JAK1: variants seen among roughly 807,000 people sequenced by gnomAD.
JAK1 encodes the protein Janus kinase 1, also known as tyrosine-protein kinase JAK1.
A neutral mutation model predicts 136.6 loss-of-function variants in JAK1; 16 were observed. The ratio of observed to expected loss-of-function variants is 0.12; its 90% CI spans 0.08 to 0.18. JAK1 has a LOEUF of 0.18. JAK1 is among the 10% of genes least tolerant of loss of function. The pLI, the probability that JAK1 is intolerant of heterozygous loss-of-function variation, is 1.00. For missense variants in JAK1, 859 were observed against 1,450.1 expected (o/e 0.59, Z 6.62); for synonymous variants, 492 against 519.5 (o/e 0.95, Z 0.72).
intron 2 of JAK1, among the ~76,000 whole-genome samples, chr1:65,014,092 G>C (rs1037417879): frequency 1.3e-5 from 2 of 151,716 alleles, no homozygotes; most frequent in African/African-American, 2.4e-5. Context: ...AAGAAGGTTG[G>C]GTCACAAGAT....
chr1:65,017,797 A>C (rs1159372256), intron 2 of JAK1, among the ~76,000 whole-genome samples: 1 of 152,066 alleles, frequency 6.6e-6, no homozygotes, highest in African/African-American at 2.4e-5. Context: ...TAGTGGAAAA[A>C]ATTTTTAATT....
chr1:64,857,561 G>T, intron 10 of JAK1, 95 bp downstream of exon 10: 1 of 1,498,348 alleles, frequency 6.7e-7, no homozygotes, highest in Non-Finnish European at 9.1e-7. Context: ...GTTCCACCCT[G>T]CCAAGGGTGG....
chr1:64,997,474 G>A (rs1008369274), intron 2 of JAK1, among the ~76,000 whole-genome samples: 28 of 152,140 alleles, frequency 1.8e-4, no homozygotes, highest in African/African-American at 6.7e-4. Flanking sequence ...TTTAAGAAGG[G>A]GTGACAAATT....
At chr1:64,977,898 AT>A (rs1170782786) in intron 2 of JAK1, among the ~76,000 whole-genome samples, 4,012 of 152,282 alleles carry the variant, frequency 0.026, 178 homozygotes, top group African/African-American at 0.091. Context: ...CTTTAATTTC[AT>A]CGTCATCGGT....
chr1:65,021,817 A>C lies in JAK1; in HGVS notation c.-78+22663T>G, dbSNP rs147677024. 1.1e-4 allele frequency among the ~76,000 whole-genome samples: 17 copies of C among 152,252 alleles called. No homozygotes were observed. The East Asian group carries it at 3.3e-3, about 29-fold the overall frequency. On this transcript the variant is annotated intron_variant, in intron 2 of 25. Transcript: ENST00000671954. ...CTATTATACTTCCCATTTTTTTAGA[A>C]GAGGACACTAAAACCAAGAGAATTT...
chr1:65,014,502 C>T (rs187856316), intron 2 of JAK1, among the ~76,000 whole-genome samples: 1 of 151,880 alleles, frequency 6.6e-6, no homozygotes, highest in Non-Finnish European at 1.5e-5. Context: ...TCAAATTCAT[C>T]ACAATAAAAC....
intron 2 of JAK1, among the ~76,000 whole-genome samples, chr1:65,012,269 A>G (rs1379053088): frequency 6.6e-6 from 1 of 152,136 alleles, no homozygotes; most frequent in Non-Finnish European, 1.5e-5. Flanking sequence ...CTGACCAAGT[A>G]GAGAAAAAGG....
intron 1 of JAK1, among the ~76,000 whole-genome samples, chr1:65,058,682 G>A (rs1230589272): frequency 2.0e-5 from 3 of 152,142 alleles, no homozygotes; most frequent in African/African-American, 7.2e-5. Context: ...AATATTAAAA[G>A]GCCCAGTTGA....
chr1:64,839,770 C>T lies in JAK1; in HGVS notation c.2675G>A (p.Cys892Tyr), dbSNP rs1654770835. ...ATTGTCCCCTTCGGGGTCATACCTG[C>T]AGAGCTCAACCTTCCCAAAGTGGCC... The part of the protein sequence containing the change: ...GEGHFGKVEL[C>Y]RYDPEGDNTG... The change falls in exon 20 of 25, where the codon TGC (cysteine) becomes TAC (tyrosine). Residue 892 changes from cysteine to tyrosine, a missense_variant. Physicochemically the swap from Cys to Tyr is radical, Grantham distance 194. This residue lies in a region of JAK1 where 409 missense variants were observed against 753.8 expected (regional missense o/e 0.54). Transcript: ENST00000342505. 1 of 1,611,436 alleles carries T rather than the reference C, an allele frequency of 6.2e-7. No homozygotes were observed. The highest frequency in any genetic ancestry group is 1.3e-5 in the African/African-American group (1 of 74,776).
chr1:64,985,396 C>T, intron 2 of JAK1: 1 of 1,610,582 alleles, frequency 6.2e-7, no homozygotes, highest in Non-Finnish European at 8.5e-7. Flanking sequence ...TGGGATACAT[C>T]CTGGGTGCCC....
chr1:64,974,900 GTTTTGTT>G (rs374612966), intron 2 of JAK1, among the ~76,000 whole-genome samples: 1,836 of 151,912 alleles, frequency 0.012, 38 homozygotes, highest in African/African-American at 0.041. Flanking sequence ...TGTTTGTTTT[GTTTTGTT>G]TTTTGTTTTT....
intron 3 of JAK1, among the ~76,000 whole-genome samples, chr1:64,880,958 C>A (rs1053775755): frequency 6.6e-6 from 1 of 151,696 alleles, no homozygotes; most frequent in Non-Finnish European, 1.5e-5. Context: ...AACAAACAAA[C>A]AAATAAATAA....
intron 10 of JAK1, 150 bp from the exon 11 acceptor site, chr1:64,855,848 T>G (rs1655895996): frequency 1.6e-6 from 1 of 640,788 alleles, no homozygotes. Flanking sequence ...AAAATAAAGT[T>G]TATTATCAAT....
intron 1 of JAK1, among the ~76,000 whole-genome samples, chr1:64,902,726 A>C (rs1429346834): frequency 5.3e-5 from 8 of 152,006 alleles, no homozygotes; most frequent in African/African-American, 1.9e-4. Flanking sequence ...AAGTCAGAAG[A>C]GGGGAGTGAA....
At chr1:64,938,515 A>G (rs1298436465) in intron 1 of JAK1, among the ~76,000 whole-genome samples, 3 of 152,234 alleles carry the variant, frequency 2.0e-5, no homozygotes, top group Admixed American at 6.5e-5. Context: ...TAAGGCACAC[A>G]GATGATCTGA....
chr1:64,834,812 G>T (rs1654368564), intron 24 of JAK1, among the ~76,000 whole-genome samples, 155 bp from the exon 25 acceptor site: 1 of 152,176 alleles, frequency 6.6e-6, no homozygotes, highest in South Asian at 2.1e-4. Flanking sequence ...TTAAAACACA[G>T]AAAATGGGAT....
intron 7 of JAK1, among the ~76,000 whole-genome samples, chr1:64,865,789 T>C (rs751536945): frequency 6.6e-6 from 1 of 152,154 alleles, no homozygotes; most frequent in Admixed American, 6.5e-5. Flanking sequence ...TGAGACAGTG[T>C]CTTGCTGTCA....
intron 1 of JAK1, among the ~76,000 whole-genome samples, chr1:64,966,082 A>T (rs1419905135): frequency 6.6e-6 from 1 of 151,418 alleles, no homozygotes; most frequent in Non-Finnish European, 1.5e-5. Context: ...GCCTGGCTTA[A>T]CCGCTCTTCT....
chr1:64,993,010 T>C (rs1484816713), intron 2 of JAK1: 1 of 152,226 alleles, frequency 6.6e-6, no homozygotes, highest in Non-Finnish European at 1.5e-5. Flanking sequence ...AAATGTTTGA[T>C]TAACTAGTTG....
Sources: allele counts gnomAD v4.1 joint callset (sites outside exome capture counted in the v4.1 genomes callset), GRCh38; gene constraint gnomAD v4.1.1; regional missense constraint gnomAD v4.1.1; transcripts MANE v1.5; gene names NCBI Gene and HGNC (gene_info 2026-07-23, HGNC 2026-07-21).